The following TFCP2L1 variants were observed in gnomAD, a reference collection of about 807,000 sequenced individuals.
TFCP2L1 encodes transcription factor CP2 like 1.
Under a neutral mutation model 72.2 loss-of-function variants are expected in TFCP2L1, and 12 were observed. The ratio of observed to expected loss-of-function variants is 0.17; its 90% CI spans 0.11 to 0.27. The LOEUF (loss-of-function observed/expected upper bound fraction) is 0.27. Among genes scored for constraint, TFCP2L1 ranks in the 10% least tolerant of loss-of-function variants. The pLI is 1.00. For synonymous variants in TFCP2L1, 260 were observed against 251.0 expected (o/e 1.04, Z -0.34); for missense variants, 488 against 624.6 (o/e 0.78, Z 2.33).
rs1261192115 is a variant in TFCP2L1 at position 121,249,554 on chromosome 2, C to T, written c.291+17G>A. 2 of 1,613,360 alleles carry T rather than the reference C, an allele frequency of 1.2e-6. No homozygotes were observed. Among genetic ancestry groups the T allele is most frequent in the Non-Finnish European group, 1.7e-6 (2 of 1,179,620 alleles). On this transcript the variant is annotated intron_variant, in intron 3 of 14. Transcript: ENST00000263707. ...GCCCCTCTCCCCGAGGCAATGAGAA[C>T]AGCCTGTGAGGCTTACCTTGACATA...
Position 121,221,808 on chromosome 2 carries a change from C to T in TFCP2L1, c.*2533G>A, listed in dbSNP as rs944883050. ...TGTCTCAAAGGACACCAACAAGAAA[C>T]TGAAAACAATCCACAGAAGGGGAGA... On this transcript the variant is annotated 3_prime_UTR_variant, in exon 15 of 15. Coordinates refer to ENST00000263707, the MANE Select transcript of TFCP2L1 (RefSeq NM_014553.3). 4 of 152,062 alleles carry T rather than the reference C, an allele frequency of 2.6e-5. No individual in the cohort carries two copies. The highest frequency in any genetic ancestry group is 2.0e-4 in the Admixed American group (3 of 15,272). 9.4% of individuals were successfully genotyped at this position (152,062 alleles called of 1,614,324 possible). A position where few individuals can be genotyped will look rare whatever the true frequency, so the allele number is the denominator to read the frequency against.
At chr2:121,244,425 G>A (rs1483086157) in intron 6 of TFCP2L1, among the ~76,000 whole-genome samples, 5 of 152,212 alleles carry the variant, frequency 3.3e-5, no homozygotes, top group South Asian at 2.1e-4. Context: ...GTGAGTGGGG[G>A]CAGGCAGGTG....
Position 121,220,609 on chromosome 2 carries a change from T to C in TFCP2L1, c.*3732A>G, listed in dbSNP as rs1289475630. ...AAGCTACAGTTCAGAAGCCACAGGT[T>C]GGTGGGAATGCCCTGGGAAGAGCTG... On this transcript the variant is annotated 3_prime_UTR_variant, in exon 15 of 15. Coordinates refer to ENST00000263707, the MANE Select transcript of TFCP2L1 (RefSeq NM_014553.3). 1 of 152,238 alleles carries C rather than the reference T, an allele frequency of 6.6e-6. No homozygotes were observed. Among genetic ancestry groups the C allele is most frequent in the Non-Finnish European group, 1.5e-5 (1 of 68,092 alleles). 9.4% of individuals were successfully genotyped at this position (152,238 alleles called of 1,614,324 possible).
chr2:121,271,929 G>C (rs945265257), intron 2 of TFCP2L1, among the ~76,000 whole-genome samples: 5 of 152,002 alleles, frequency 3.3e-5, no homozygotes, highest in East Asian at 3.9e-4. Flanking sequence ...GATAATGGAC[G>C]TTTTTTTCCT....
chr2:121,255,745 ATT>A (rs67001640), intron 2 of TFCP2L1, among the ~76,000 whole-genome samples: 7 of 141,474 alleles, frequency 4.9e-5, no homozygotes, highest in East Asian at 2.1e-4. Flanking sequence ...CCCTGAACTT[ATT>A]TTTTTTTTTT....
At chr2:121,258,226 T>C (rs969141963) in intron 2 of TFCP2L1, among the ~76,000 whole-genome samples, 5 of 152,048 alleles carry the variant, frequency 3.3e-5, no homozygotes, top group Non-Finnish European at 5.9e-5. Context: ...TGTGGGGAAA[T>C]GGGCCCTCGC....
intron 2 of TFCP2L1, among the ~76,000 whole-genome samples, chr2:121,252,081 G>T (rs574845432): frequency 7.2e-5 from 11 of 152,240 alleles, no homozygotes; most frequent in African/African-American, 2.6e-4. Context: ...ACAGGGTCTT[G>T]CTCTGTCACC....
rs938387456 is a variant in TFCP2L1, at chr2:121,239,591, T to C, written c.827A>G (p.Asn276Ser). Reference sequence around the variant, plus strand: ...GAGGCCAAAGCTGTTTGGAGAACCATTGTAGCTTGGGGACGGGGCGCTGTT... The same window carrying C: ...GAGGCCAAAGCTGTTTGGAGAACCACTGTAGCTTGGGGACGGGGCGCTGTT... The part of the protein sequence containing the change: ...QVNSAPSPSY[N>S]GSPNSFGLGE... Residue 276 changes from asparagine to serine, a missense_variant, in exon 8 of 15, where the codon AAT becomes AGT. By Grantham distance (46) the Asn-to-Ser change is conservative (BLOSUM62 1). Coordinates refer to ENST00000263707, the MANE Select transcript of TFCP2L1 (RefSeq NM_014553.3). The C allele has an allele frequency of 5.0e-6, 8 of 1,614,104 alleles. No homozygotes were observed. Among genetic ancestry groups the C allele is most frequent in the African/African-American group, 2.7e-5 (2 of 75,024 alleles).
At chr2:121,253,697 AG>A (rs1039251267) in intron 2 of TFCP2L1, among the ~76,000 whole-genome samples, 4 of 152,222 alleles carry the variant, frequency 2.6e-5, no homozygotes, top group Admixed American at 2.0e-4. Context: ...CATAAGGGGC[AG>A]CCCTTGAACA....
intron 4 of TFCP2L1, 88 bp downstream of exon 4, chr2:121,248,894 G>T: frequency 9.3e-7 from 1 of 1,079,104 alleles, no homozygotes; most frequent in South Asian, 1.8e-5. Context: ...ACGCCTTCTC[G>T]GCATAGGTCC....
At chr2:121,251,854 C>G (rs1355274829) in intron 2 of TFCP2L1, among the ~76,000 whole-genome samples, 1 of 152,158 alleles carries the variant, frequency 6.6e-6, no homozygotes, top group East Asian at 1.9e-4. Context: ...ACATGAATGA[C>G]TATCAGATAC....
At chr2:121,273,104 A>C (rs1687078013) in intron 2 of TFCP2L1, among the ~76,000 whole-genome samples, 1 of 152,130 alleles carries the variant, frequency 6.6e-6, no homozygotes, top group Non-Finnish European at 1.5e-5. Flanking sequence ...CCAATAGGAA[A>C]TTTTACTCCA....
chr2:121,279,497 G>A (rs1299505684), intron 2 of TFCP2L1, among the ~76,000 whole-genome samples: 2 of 152,186 alleles, frequency 1.3e-5, no homozygotes, highest in Non-Finnish European at 2.9e-5. Flanking sequence ...AGCTGCCCTT[G>A]GGGATAAAGC....
intron 5 of TFCP2L1, among the ~76,000 whole-genome samples, chr2:121,247,432 C>T (rs900696384): frequency 2.0e-5 from 3 of 151,756 alleles, no homozygotes; most frequent in African/African-American, 7.3e-5. Context: ...GTTCCTACTA[C>T]ATAAATGGCA....
chr2:121,281,583 A>G (rs2104772812), intron 1 of TFCP2L1, among the ~76,000 whole-genome samples: 1 of 152,330 alleles, frequency 6.6e-6, no homozygotes, highest in South Asian at 2.1e-4. Context: ...GAGACAGGCT[A>G]GCAGCAAAGG....
At chr2:121,233,312 C>T (rs1316914639) in intron 12 of TFCP2L1, among the ~76,000 whole-genome samples, 1 of 152,166 alleles carries the variant, frequency 6.6e-6, no homozygotes, top group Non-Finnish European at 1.5e-5. Flanking sequence ...AAATGATTCT[C>T]CTGCCTCAGC....
intron 11 of TFCP2L1, among the ~76,000 whole-genome samples, chr2:121,234,745 A>C (rs1290575864): frequency 6.6e-6 from 1 of 152,252 alleles, no homozygotes; most frequent in African/African-American, 2.4e-5. Context: ...CCACAGCCAC[A>C]TGTGGCCAGC....
chr2:121,241,595 GT>G (rs1686369226), intron 7 of TFCP2L1, among the ~76,000 whole-genome samples: 1 of 151,934 alleles, frequency 6.6e-6, no homozygotes, highest in Non-Finnish European at 1.5e-5. Context: ...TGCTGTCAGG[GT>G]TAACAGAAAA....
At chr2:121,246,737 A>G (rs1170727945) in intron 6 of TFCP2L1, 81 bp downstream of exon 6, 1 of 1,570,674 alleles carries the variant, frequency 6.4e-7, no homozygotes, top group African/African-American at 1.4e-5. Context: ...TGTAAGAGGA[A>G]ACTCCAGGGT....
Sources: allele counts gnomAD v4.1 joint callset (sites outside exome capture counted in the v4.1 genomes callset), GRCh38; gene constraint gnomAD v4.1.1; transcripts MANE v1.5; gene names NCBI Gene and HGNC (gene_info 2026-07-23, HGNC 2026-07-21).